EYA4: variants seen among roughly 807,000 people sequenced by gnomAD.
The protein encoded by EYA4 is protein phosphatase EYA4.
A neutral mutation model predicts 87.9 loss-of-function variants in EYA4; 31 were observed. That is an observed-to-expected ratio of 0.35 (90% CI 0.27 to 0.48). EYA4 has a LOEUF of 0.48. EYA4 is among the 20% of genes least tolerant of loss of function. The pLI, the probability that EYA4 is intolerant of heterozygous loss-of-function variation, is 0.99. For synonymous variants in EYA4, 263 were observed against 270.6 expected (o/e 0.97, Z 0.28); for missense variants, 678 against 761.4 (o/e 0.89, Z 1.29).
intron 1 of EYA4, among the ~76,000 whole-genome samples, chr6:133,252,723 A>G (rs2128232424): frequency 6.6e-6 from 1 of 152,318 alleles, no homozygotes; most frequent in Admixed American, 6.5e-5. Context: ...TTATAAATAT[A>G]TGATTAGACT....
intron 1 of EYA4, among the ~76,000 whole-genome samples, chr6:133,272,562 T>C (rs558732104): frequency 1.3e-5 from 2 of 152,270 alleles, no homozygotes; most frequent in East Asian, 3.9e-4. Context: ...AGCCCAGTAA[T>C]GGGCCAAGAG....
At chr6:133,244,788 T>C (rs1774271768) in intron 1 of EYA4, among the ~76,000 whole-genome samples, 2 of 152,234 alleles carry the variant, frequency 1.3e-5, no homozygotes, top group African/African-American at 4.8e-5. Flanking sequence ...TGATGTCGTG[T>C]CTAAAAATAT....
intron 3 of EYA4, among the ~76,000 whole-genome samples, chr6:133,406,085 T>C (rs1562382841): frequency 6.6e-6 from 1 of 152,064 alleles, no homozygotes; most frequent in African/African-American, 2.4e-5. Flanking sequence ...TCAGATTACT[T>C]TATATATATA....
chr6:133,261,817 C>T (rs753254999), intron 1 of EYA4, among the ~76,000 whole-genome samples: 2 of 151,022 alleles, frequency 1.3e-5, no homozygotes, highest in East Asian at 3.9e-4. Context: ...CTTCCACTCT[C>T]ACTAGCAAGC....
intron 3 of EYA4, among the ~76,000 whole-genome samples, chr6:133,408,475 A>G (rs1267201036): frequency 6.6e-6 from 1 of 152,180 alleles, no homozygotes; most frequent in African/African-American, 2.4e-5. Context: ...GAATCTCAGC[A>G]AGTTCAGTTT....
intron 2 of EYA4, among the ~76,000 whole-genome samples, chr6:133,379,973 G>A (rs1362314501): frequency 2.6e-5 from 4 of 152,076 alleles, no homozygotes; most frequent in Non-Finnish European, 2.9e-5. Context: ...TTCATAATAT[G>A]CTTCCTCTGG....
Position 133,464,803 on chromosome 6 carries a change from C to G in EYA4, c.749C>G (p.Thr250Ser), listed in dbSNP as rs143757415. 2 of 1,609,764 alleles carry G rather than the reference C, an allele frequency of 1.2e-6. No homozygotes were observed. The highest frequency in any genetic ancestry group is 3.3e-5 in the Admixed American group (2 of 59,916). The change falls in exon 10 of 20, where the codon ACT (threonine) becomes AGT (serine). Residue 250 changes from threonine to serine, a missense_variant. Physicochemically the swap from Thr to Ser is moderately conservative, Grantham distance 58. Transcript: ENST00000355286. ...MPGSSFAPSS[T>S]IYANNSVSNS... The stretch of plus-strand genomic sequence containing the variant: ...GGTTCTAGTTTTGCACCATCATCTA[C>G]TATTTATGCAAATAATTCAGTTTCC...
At chr6:133,328,887 A>G (rs1277679592) in intron 2 of EYA4, among the ~76,000 whole-genome samples, 2 of 152,150 alleles carry the variant, frequency 1.3e-5, no homozygotes, top group Non-Finnish European at 2.9e-5. Flanking sequence ...TTCATGCAAA[A>G]GCTCCCATCT....
At chr6:133,315,541 C>T (rs913501641) in intron 2 of EYA4, among the ~76,000 whole-genome samples, 24 of 150,230 alleles carry the variant, frequency 1.6e-4, no homozygotes, top group African/African-American at 6.0e-4. Context: ...GCTGAGAATT[C>T]TCCTTCCAAA....
intron 3 of EYA4, among the ~76,000 whole-genome samples, chr6:133,403,479 G>C (rs1788436848): frequency 6.6e-6 from 1 of 152,024 alleles, no homozygotes; most frequent in East Asian, 1.9e-4. Flanking sequence ...TTAACCACAG[G>C]GGGAAAAAAT....
At chr6:133,380,817 T>C (rs1786126428) in intron 2 of EYA4, among the ~76,000 whole-genome samples, 1 of 151,550 alleles carries the variant, frequency 6.6e-6, no homozygotes, top group South Asian at 2.1e-4. Context: ...TCCCCTTTTC[T>C]CCTCCTACGC....
intron 17 of EYA4, 29 bp from the exon 18 acceptor site, chr6:133,523,027 C>T (rs754801336): frequency 1.3e-6 from 2 of 1,586,218 alleles, no homozygotes; most frequent in South Asian, 1.1e-5. Flanking sequence ...TATTAGAAAA[C>T]AAACATGTAT....
chr6:133,259,032 A>G (rs904261844), intron 1 of EYA4, among the ~76,000 whole-genome samples: 1 of 152,156 alleles, frequency 6.6e-6, no homozygotes, highest in Non-Finnish European at 1.5e-5. Context: ...GTATACATTA[A>G]TGTTGATCTA....
chr6:133,392,856 C>T (rs1787422725), intron 3 of EYA4, among the ~76,000 whole-genome samples: 1 of 152,164 alleles, frequency 6.6e-6, no homozygotes, highest in Non-Finnish European at 1.5e-5. Context: ...TGGTCAGCCT[C>T]TCCTACAGTA....
intron 3 of EYA4, among the ~76,000 whole-genome samples, chr6:133,432,462 T>C (rs1293784926): frequency 2.0e-5 from 3 of 151,956 alleles, no homozygotes; most frequent in East Asian, 1.9e-4. Flanking sequence ...TGGGCCCAAG[T>C]TCCTATCACT....
chr6:133,411,276 G>T (rs1258306350), intron 3 of EYA4, among the ~76,000 whole-genome samples: 1 of 152,104 alleles, frequency 6.6e-6, no homozygotes, highest in East Asian at 1.9e-4. Context: ...TTGTTCCCAG[G>T]CAGTGCTGAG....
At chr6:133,306,272 G>T (rs1160585031) in intron 2 of EYA4, among the ~76,000 whole-genome samples, 1 of 152,178 alleles carries the variant, frequency 6.6e-6, no homozygotes, top group African/African-American at 2.4e-5. Flanking sequence ...TCCAGAGTCC[G>T]TGTTCTTGCT....
At chr6:133,433,537 G>A (rs1791374077) in intron 3 of EYA4, among the ~76,000 whole-genome samples, 1 of 152,220 alleles carries the variant, frequency 6.6e-6, no homozygotes, top group African/African-American at 2.4e-5. Flanking sequence ...TGTATTTTTA[G>A]TAGAGAGGGG....
intron 1 of EYA4, among the ~76,000 whole-genome samples, chr6:133,242,830 C>G (rs556414778): frequency 6.6e-6 from 1 of 152,258 alleles, no homozygotes; most frequent in African/African-American, 2.4e-5. Flanking sequence ...ACCACCACCC[C>G]TCTTTCTCCT....
Sources: allele counts gnomAD v4.1 joint callset (sites outside exome capture counted in the v4.1 genomes callset), GRCh38; gene constraint gnomAD v4.1.1; transcripts MANE v1.5; gene names NCBI Gene and HGNC (gene_info 2026-07-23, HGNC 2026-07-21).